The following DISC1 variants were observed in gnomAD, a reference collection of about 807,000 sequenced individuals.
DISC1 encodes the protein disrupted in schizophrenia 1 protein.
In DISC1, 57 loss-of-function variants were observed where a neutral mutation model predicts 84.5. That is an observed-to-expected ratio of 0.67 (90% CI 0.55 to 0.84). The LOEUF (loss-of-function observed/expected upper bound fraction) is 0.84. Among genes scored for constraint, DISC1 ranks in the 40% least tolerant of loss-of-function variants. The pLI is 0.00. For missense variants in DISC1, 1,000 were observed against 1,057.8 expected (o/e 0.95, Z 0.76); for synonymous variants, 411 against 415.2 (o/e 0.99, Z 0.12).
intron 8 of DISC1, among the ~76,000 whole-genome samples, chr1:231,816,954 C>T (rs2081063766): frequency 6.6e-6 from 1 of 151,926 alleles, no homozygotes; most frequent in Non-Finnish European, 1.5e-5. Flanking sequence ...ACCTCCTCCT[C>T]CTCCTTCTTC....
chr1:231,958,293 C>T (rs1398822326), intron 9 of DISC1, among the ~76,000 whole-genome samples: 1 of 152,224 alleles, frequency 6.6e-6, no homozygotes, highest in Non-Finnish European at 1.5e-5. Context: ...GAGTTTATCT[C>T]AAAGAGTAGC....
At chr1:231,857,169 G>A (rs1201378402) in intron 9 of DISC1, among the ~76,000 whole-genome samples, 2 of 152,166 alleles carry the variant, frequency 1.3e-5, no homozygotes, top group Non-Finnish European at 2.9e-5. Flanking sequence ...GTCACAGAGC[G>A]GTCAAGGCAC....
At position 231,880,654 on chromosome 1, in the gene DISC1, G is replaced by A. The variant is rs1011079338; in HGVS notation, c.1981+62137G>A. ...ATTTGCAGCAGAAAAAGAGTTAAAGGTCAGTGGGCACCAAGTAGAGAGGGG... is the reference window on the plus strand; with the variant it reads ...ATTTGCAGCAGAAAAAGAGTTAAAGATCAGTGGGCACCAAGTAGAGAGGGG... On this transcript the variant is annotated intron_variant, in intron 9 of 12. Coordinates refer to ENST00000439617, the MANE Select transcript of DISC1 (RefSeq NM_018662.3). Among the ~76,000 whole-genome samples, 29 of 152,048 alleles carry A rather than the reference G, an allele frequency of 1.9e-4. 1 individual carries two copies. The highest frequency in any genetic ancestry group is 8.8e-5 in the Non-Finnish European group (6 of 68,022).
chr1:231,912,504 A>G (rs2089288959), intron 9 of DISC1, among the ~76,000 whole-genome samples: 1 of 152,184 alleles, frequency 6.6e-6, no homozygotes, highest in African/African-American at 2.4e-5. Flanking sequence ...CAAATATTGC[A>G]GAACAGCAAA....
In DISC1 at chr1:232,009,082, C is replaced by A. The variant is rs1264389705; in HGVS notation, c.2307+33C>A. On this transcript the variant is annotated intron_variant, in intron 11 of 12. Coordinates refer to ENST00000439617, the MANE Select transcript of DISC1 (RefSeq NM_018662.3). The surrounding 1 kb of genome is among the most constrained non-coding windows in gnomAD (Gnocchi z 4.6). ...CTTTTCACATGGCCTCCAGAGGGGACCCTTATTCTAAGGGGTGCTTTGGGA... is the reference window on the plus strand; with the variant it reads ...CTTTTCACATGGCCTCCAGAGGGGAACCTTATTCTAAGGGGTGCTTTGGGA... The A allele has an allele frequency of 5.6e-6, 9 of 1,613,288 alleles. No homozygotes were observed. The highest frequency in any genetic ancestry group is 7.6e-6 in the Non-Finnish European group (9 of 1,179,604).
intron 1 of DISC1, among the ~76,000 whole-genome samples, chr1:231,647,985 T>G (rs1369166807): frequency 6.6e-6 from 1 of 152,256 alleles, no homozygotes; most frequent in Non-Finnish European, 1.5e-5. Flanking sequence ...TTTCTAAATA[T>G]ACAATCATAT....
intron 9 of DISC1, among the ~76,000 whole-genome samples, chr1:231,854,122 A>G (rs1255803000): frequency 6.6e-6 from 1 of 152,042 alleles, no homozygotes; most frequent in Non-Finnish European, 1.5e-5. Context: ...ACATAAATCA[A>G]CAACATGAGG....
intron 4 of DISC1, among the ~76,000 whole-genome samples, chr1:231,759,720 T>G (rs200809210): frequency 3.3e-5 from 5 of 151,846 alleles, no homozygotes; most frequent in Non-Finnish European, 5.9e-5. Flanking sequence ...AAAAAAATAT[T>G]TGTTATTACC....
At chr1:231,705,415 T>A (rs1269332068) in intron 3 of DISC1, among the ~76,000 whole-genome samples, 2 of 141,098 alleles carry the variant, frequency 1.4e-5, no homozygotes, top group East Asian at 2.1e-4. Flanking sequence ...ATCAAAGTAG[T>A]GGAGGAGGAG....
At chr1:231,849,070 TG>T (rs1443275775) in intron 9 of DISC1, among the ~76,000 whole-genome samples, 1 of 152,180 alleles carries the variant, frequency 6.6e-6, no homozygotes, top group East Asian at 1.9e-4. Context: ...CTTCTTGATA[TG>T]TGTTACGTTT....
intron 3 of DISC1, among the ~76,000 whole-genome samples, chr1:231,710,591 T>C (rs1334612055): frequency 1.3e-5 from 2 of 152,204 alleles, no homozygotes; most frequent in African/African-American, 2.4e-5. Flanking sequence ...GTCTCACTGC[T>C]CTGGAGATTG....
rs540587988 is a variant in DISC1, at chr1:231,977,245, C to A, written c.2042+18357C>A. Among the ~76,000 whole-genome samples, 4 of 152,332 alleles carry A rather than the reference C, an allele frequency of 2.6e-5. No individual in the cohort carries two copies. In the South Asian group the frequency reaches 8.3e-4, roughly 32 times the overall value. On this transcript the variant is annotated intron_variant, in intron 10 of 12. Coordinates refer to ENST00000439617, the MANE Select transcript of DISC1 (RefSeq NM_018662.3). ...CTTTTGCTGCTGTAACAAATTGTCA[C>A]AAACTTCATGACTTGAAACAACACA...
intron 10 of DISC1, among the ~76,000 whole-genome samples, chr1:231,971,346 A>G (rs1476582600): frequency 2.0e-5 from 3 of 152,236 alleles, no homozygotes; most frequent in Non-Finnish European, 4.4e-5. Flanking sequence ...TGAACCTGTT[A>G]GCTTCAGACA....
intron 4 of DISC1, among the ~76,000 whole-genome samples, chr1:231,753,757 T>C (rs995524580): frequency 6.6e-6 from 1 of 152,208 alleles, no homozygotes; most frequent in Non-Finnish European, 1.5e-5. Context: ...TAAATATAAG[T>C]TCAAACTTTA....
intron 1 of DISC1, among the ~76,000 whole-genome samples, chr1:231,642,338 C>A (rs2059790648): frequency 6.6e-6 from 1 of 152,258 alleles, no homozygotes; most frequent in African/African-American, 2.4e-5. Context: ...CTTGGCCAAC[C>A]CAGAAAGGGG....
intron 9 of DISC1, among the ~76,000 whole-genome samples, chr1:231,900,559 A>G (rs1040976977): frequency 3.9e-5 from 6 of 152,210 alleles, no homozygotes; most frequent in Non-Finnish European, 8.8e-5. Flanking sequence ...GTGAAGAATT[A>G]TGGGTTTGTG....
At chr1:232,029,799 A>G (rs1669828478) in intron 12 of DISC1, among the ~76,000 whole-genome samples, 1 of 152,198 alleles carries the variant, frequency 6.6e-6, no homozygotes, top group Non-Finnish European at 1.5e-5. Flanking sequence ...CATAAGGGCT[A>G]TTAGTGTGGC....
intron 9 of DISC1, among the ~76,000 whole-genome samples, chr1:231,858,051 G>C (rs1411575583): frequency 6.6e-6 from 1 of 152,188 alleles, no homozygotes; most frequent in East Asian, 1.9e-4. Flanking sequence ...ACACAATTGT[G>C]GATGGAGCCT....
chr1:231,848,384 T>C (rs1390792533), intron 9 of DISC1, among the ~76,000 whole-genome samples: 3 of 152,184 alleles, frequency 2.0e-5, no homozygotes, highest in African/African-American at 7.2e-5. Context: ...AATATTTAAA[T>C]GACAAGAACT....
Sources: allele counts gnomAD v4.1 joint callset (sites outside exome capture counted in the v4.1 genomes callset), GRCh38; gene constraint gnomAD v4.1.1; non-coding constraint Gnocchi (gnomAD v3.1); transcripts MANE v1.5; gene names NCBI Gene and HGNC (gene_info 2026-07-23, HGNC 2026-07-21).